The following MYO9A variants were observed in gnomAD, a reference collection of about 807,000 sequenced individuals.
MYO9A encodes the protein myosin IXA, also known as unconventional myosin-IXa.
A neutral mutation model predicts 293.3 loss-of-function variants in MYO9A; 103 were observed. The observed-to-expected ratio is 0.35, with a 90% CI of 0.30 to 0.41. The LOEUF is 0.41. Among genes scored for constraint, MYO9A ranks in the 10% least tolerant of loss-of-function variants. The probability of loss-of-function intolerance (pLI) is 1.00; values close to 1 mark genes in which losing one functional copy is unlikely to be tolerated. For synonymous variants in MYO9A, 1,001 were observed against 1,035.7 expected (o/e 0.97, Z 0.64); for missense variants, 2,685 against 3,033.0 (o/e 0.89, Z 2.69).
At chr15:72,106,576 T>C (rs1216968228) in intron 1 of MYO9A, among the ~76,000 whole-genome samples, 1 of 152,188 alleles carries the variant, frequency 6.6e-6, no homozygotes, top group African/African-American at 2.4e-5. Flanking sequence ...GTGCTTTACA[T>C]ATTCAAAGAA....
At chr15:71,861,897 A>G (rs2141769062) in intron 33 of MYO9A, among the ~76,000 whole-genome samples, 1 of 152,254 alleles carries the variant, frequency 6.6e-6, no homozygotes, top group Non-Finnish European at 1.5e-5. Context: ...ACTTTAGGCC[A>G]AGGCGGGAGG....
intron 12 of MYO9A, among the ~76,000 whole-genome samples, chr15:71,969,445 T>C (rs1199631788): frequency 2.0e-5 from 3 of 152,204 alleles, no homozygotes; most frequent in Non-Finnish European, 4.4e-5. Flanking sequence ...TTTCCTATAA[T>C]AGTGCTTTAA....
chr15:71,993,088 C>T (rs968930506), intron 10 of MYO9A, among the ~76,000 whole-genome samples: 2 of 152,152 alleles, frequency 1.3e-5, no homozygotes, highest in South Asian at 4.1e-4. Context: ...TGGTGGCTCA[C>T]GCCTGTAATC....
Position 71,826,926 on chromosome 15 carries a change from G to C in MYO9A, c.7301C>G (p.Ser2434Cys). The change falls in exon 42 of 42, where the codon TCC (serine) becomes TGC (cysteine). Residue 2434 changes from serine to cysteine, a missense_variant. Ser to Cys is a moderately radical substitution (Grantham distance 112). Coordinates refer to ENST00000356056, the MANE Select transcript of MYO9A (RefSeq NM_006901.4). Reference protein sequence around the residue: ...DSLDVVDSSVSSLCLSNTASS... With the variant: ...DSLDVVDSSVCSLCLSNTASS... ...TGCCGTGTTAGACAGACATAAAGAGGAGACCGAAGAGTCCACGACATCTAA... is the reference window on the plus strand; with the variant it reads ...TGCCGTGTTAGACAGACATAAAGAGCAGACCGAAGAGTCCACGACATCTAA... The C allele has an allele frequency of 1.9e-6, 3 of 1,614,086 alleles. No homozygotes were observed. Among genetic ancestry groups the C allele is most frequent in the Non-Finnish European group, 2.5e-6 (3 of 1,179,956 alleles).
intron 31 of MYO9A, among the ~76,000 whole-genome samples, chr15:71,877,611 T>C (rs2056734366): frequency 6.6e-6 from 1 of 152,080 alleles, no homozygotes; most frequent in Non-Finnish European, 1.5e-5. Context: ...GCGCCTGCCA[T>C]CATGCCCAGC....
intron 1 of MYO9A, among the ~76,000 whole-genome samples, chr15:72,085,911 G>A (rs1415658081): frequency 1.3e-5 from 2 of 152,156 alleles, no homozygotes; most frequent in Non-Finnish European, 2.9e-5. Flanking sequence ...CCAAGGTTCA[G>A]CTCCTAACTC....
rs1398650528 is a variant in MYO9A, at chr15:72,010,401, C to T, written c.1202G>A (p.Arg401His). 11 of 1,613,286 alleles carry T rather than the reference C, an allele frequency of 6.8e-6. No homozygotes were observed. The highest frequency in any genetic ancestry group is 3.3e-5 in the Admixed American group (2 of 59,980). The change falls in exon 7 of 42, where the codon CGC (arginine) becomes CAC (histidine). Residue 401 changes from arginine (R) to histidine (H), a missense_variant. By Grantham distance (29) the Arg-to-His change is conservative. Transcript: ENST00000356056. ...TACCATTTCCATGGCAAGTTGTAGG[C>T]GCTCAAAGTCATGTCTCAAATCTTC... ...EGEDLRHDFERLQLAMEMVGF... is the reference protein window; with the variant it reads ...EGEDLRHDFEHLQLAMEMVGF...
At position 71,825,464 on chromosome 15, in the gene MYO9A, AGGAAGATAAAAGTTAGTTAGTTAG is replaced by A. The variant is rs2054440987; in HGVS notation, c.*1092_*1115del. 1 of 152,068 alleles carries A rather than the reference AGGAAGATAAAAGTTAGTTAGTTAG, an allele frequency of 6.6e-6. No individual in the cohort carries two copies. The highest frequency in any genetic ancestry group is 1.5e-5 in the Non-Finnish European group (1 of 68,008). The allele number at this position is 152,068 out of a possible 1,614,324, so 9.4% of individuals were successfully genotyped here. ...TATTTAATACTGATAGTCTGAGAAAAGGAAGATAAAAGTTAGTTAGTTAGATAGGTCATATTAAAAACCTTTTTA... is the reference window on the plus strand; with the variant it reads ...TATTTAATACTGATAGTCTGAGAAAAATAGGTCATATTAAAAACCTTTTTA... On this transcript the variant is annotated 3_prime_UTR_variant, in exon 42 of 42. Transcript: ENST00000356056.
At chr15:71,987,601 A>G (rs1041639452) in intron 11 of MYO9A, among the ~76,000 whole-genome samples, 1 of 152,076 alleles carries the variant, frequency 6.6e-6, no homozygotes, top group Non-Finnish European at 1.5e-5. Flanking sequence ...ACTTTACCTT[A>G]TATCTGATTA....
intron 14 of MYO9A, among the ~76,000 whole-genome samples, chr15:71,956,927 T>C (rs2059216539): frequency 6.6e-6 from 1 of 151,444 alleles, no homozygotes; most frequent in South Asian, 2.1e-4. Context: ...CATGTACCAG[T>C]ATTTCATTTC....
chr15:71,984,218 T>TA (rs2076351826), intron 11 of MYO9A, among the ~76,000 whole-genome samples: 1 of 152,228 alleles, frequency 6.6e-6, no homozygotes, highest in African/African-American at 2.4e-5. Context: ...TCTGAGCACA[T>TA]TTAATGTCCT....
At chr15:71,887,856 C>T (rs566947690) in intron 27 of MYO9A, 148 bp downstream of exon 27, 2 of 475,512 alleles carry the variant, frequency 4.2e-6, no homozygotes, top group East Asian at 6.8e-5. Flanking sequence ...ACAGTAGGTA[C>T]TTACCATTTC....
At chr15:71,972,915 G>A (rs952963621) in intron 12 of MYO9A, among the ~76,000 whole-genome samples, 4 of 152,162 alleles carry the variant, frequency 2.6e-5, no homozygotes, top group Non-Finnish European at 5.9e-5. Context: ...TGGTTCACTG[G>A]CTGCATAAGG....
chr15:71,851,019 T>C (rs888723593), intron 37 of MYO9A, among the ~76,000 whole-genome samples: 1 of 152,128 alleles, frequency 6.6e-6, no homozygotes, highest in African/African-American at 2.4e-5. Flanking sequence ...ACTGCCACCA[T>C]GAGGCTGAAG....
chr15:71,854,756 C>G (rs1304993031), intron 34 of MYO9A, among the ~76,000 whole-genome samples, 187 bp from the exon 35 acceptor site: 1 of 152,126 alleles, frequency 6.6e-6, no homozygotes, highest in Non-Finnish European at 1.5e-5. Context: ...CCTTTTCCAC[C>G]AGAATCTCCA....
At chr15:71,939,232 G>A (rs1367022200) in intron 15 of MYO9A, among the ~76,000 whole-genome samples, 1 of 152,078 alleles carries the variant, frequency 6.6e-6, no homozygotes, top group Non-Finnish European at 1.5e-5. Flanking sequence ...TTAGGTTCAG[G>A]GGGTACACAT....
In MYO9A at chr15:71,934,085, T is replaced by A. The variant is rs1002848148; in HGVS notation, c.2523-376A>T. ...TGAGATGTCTAAGTTTCATAAATTT[T>A]AAAAAAACGTACTTATCACCAAAAC... is the stretch of plus-strand genomic sequence containing the variant. On this transcript the variant is annotated intron_variant, in intron 17 of 41. Coordinates refer to ENST00000356056, the MANE Select transcript of MYO9A (RefSeq NM_006901.4). Among the ~76,000 whole-genome samples the A allele has an allele frequency of 5.9e-5, 9 of 152,200 alleles. No homozygotes were observed. The South Asian group carries it at 6.2e-4, about 11-fold the overall frequency.
chr15:72,072,276 C>T (rs930802076), intron 1 of MYO9A, among the ~76,000 whole-genome samples: 2 of 151,798 alleles, frequency 1.3e-5, no homozygotes, highest in Admixed American at 6.6e-5. Flanking sequence ...GGACTACAGG[C>T]GCCCGCCACC....
At chr15:72,103,348 C>G (rs1430381675) in intron 1 of MYO9A, among the ~76,000 whole-genome samples, 1 of 138,334 alleles carries the variant, frequency 7.2e-6, no homozygotes, top group African/African-American at 2.8e-5. Context: ...GAAGCAGCAG[C>G]AAGCAGAGAC....
Sources: allele counts gnomAD v4.1 joint callset (sites outside exome capture counted in the v4.1 genomes callset), GRCh38; gene constraint gnomAD v4.1.1; transcripts MANE v1.5; gene names NCBI Gene and HGNC (gene_info 2026-07-23, HGNC 2026-07-21).